LARP1B: variants seen among roughly 807,000 people sequenced by gnomAD.
LARP1B encodes the protein La ribonucleoprotein 1B, also known as la-related protein 1B.
LARP1B carries 76 observed loss-of-function variants against 114.2 expected under a neutral mutation model. That is an observed-to-expected ratio of 0.67 (90% confidence interval 0.55 to 0.81). The LOEUF (loss-of-function observed/expected upper bound fraction) is 0.81. LARP1B is among the 30% of genes least tolerant of loss of function. The pLI, the probability that LARP1B is intolerant of heterozygous loss-of-function variation, is 0.00. For synonymous variants in LARP1B, 345 were observed against 348.0 expected, an observed-to-expected ratio of 0.99 and a Z score of 0.10; for missense variants, 1,014 against 1,075.8, an observed-to-expected ratio of 0.94 and a Z score of 0.80.
chr4:128,097,985 T>C (rs911648201), intron 7 of LARP1B, among the ~76,000 whole-genome samples: 2 of 151,240 alleles, frequency 1.3e-5, no homozygotes, highest in Non-Finnish European at 2.9e-5. Flanking sequence ...ATATTTTAAG[T>C]TTAAGAGAAA....
At chr4:128,157,875 C>T (rs1378000008) in intron 11 of LARP1B, among the ~76,000 whole-genome samples, 1 of 151,868 alleles carries the variant, frequency 6.6e-6, no homozygotes, top group Non-Finnish European at 1.5e-5. Context: ...AAAGAAAATA[C>T]TAAAGGGAAT....
At chr4:128,083,813 C>T (rs1771970945) in intron 5 of LARP1B, among the ~76,000 whole-genome samples, 1 of 150,580 alleles carries the variant, frequency 6.6e-6, no homozygotes, top group African/African-American at 2.5e-5. Flanking sequence ...ACCCCCCCAC[C>T]TCCCTCCCGG....
In LARP1B at chr4:128,098,913, G is replaced by A. The variant is rs543029834; in HGVS notation, c.813+583G>A. Among the ~76,000 whole-genome samples, 36 of 149,644 alleles carry A rather than the reference G, an allele frequency of 2.4e-4. 1 individual carries two copies. The South Asian group carries it at 6.2e-3, about 26-fold the overall frequency. On this transcript the variant is annotated intron_variant, in intron 8 of 19. Transcript: ENST00000326639. ...CTGCCTCAGCCTTCTGAGTAGCTGG[G>A]ACTACAAGCACGCACCATCATGCCC...
At position 128,122,073 on chromosome 4, in the gene LARP1B, A is replaced by G. The variant is rs1210862643; in HGVS notation, c.1409A>G (p.His470Arg). The G allele has an allele frequency of 2.5e-6, 4 of 1,614,014 alleles. No homozygotes were observed. In the African/African-American group the frequency reaches 5.3e-5, roughly 22 times the overall value. Residue 470 changes from histidine (H) to arginine (R), a missense_variant, in exon 11 of 20, where the codon CAC (histidine) becomes CGC (arginine). Coordinates refer to ENST00000326639, the MANE Select transcript of LARP1B (RefSeq NM_018078.4). ...CCTGGAGGAGATCGAACAGGCACCCACATGTCTCGGGCAAAAATCACATCT... is the reference window on the plus strand; with the variant it reads ...CCTGGAGGAGATCGAACAGGCACCCGCATGTCTCGGGCAAAAATCACATCT... ...KHPGGDRTGT[H>R]MSRAKITSEL...
At chr4:128,104,449 TCTTC>T (rs1322716408) in intron 8 of LARP1B, among the ~76,000 whole-genome samples, 1 of 152,190 alleles carries the variant, frequency 6.6e-6, no homozygotes, top group African/African-American at 2.4e-5. Context: ...TTTCTTGCTT[TCTTC>T]CTTTTTTTTG....
chr4:128,206,908 G>A (rs1394471431), intron 18 of LARP1B: 2 of 853,616 alleles, frequency 2.3e-6, no homozygotes, highest in East Asian at 1.2e-4. Context: ...ACTGCTAGGT[G>A]CAAATTCCCT....
chr4:128,112,727 GC>G (rs1215201179), intron 9 of LARP1B, among the ~76,000 whole-genome samples: 7 of 151,844 alleles, frequency 4.6e-5, no homozygotes, highest in Admixed American at 4.6e-4. Context: ...GCCCACCTCG[GC>G]CCCCCAAAGT....
intron 11 of LARP1B, chr4:128,123,029 G>A (rs1788492959): frequency 1.0e-6 from 1 of 985,206 alleles, no homozygotes; most frequent in African/African-American, 1.7e-5. Context: ...ATAGGAAACT[G>A]ATCTTGGTTG....
rs780881149 is a variant in LARP1B at position 128,069,435 on chromosome 4, C to A, written c.-77-5025C>A. On this transcript the variant is annotated intron_variant, in intron 1 of 19. Coordinates refer to ENST00000326639, the MANE Select transcript of LARP1B (RefSeq NM_018078.4). ...GTGCTTTCGGCCACCATGGCGAACA[C>A]GAATCCTATATATAACATAAACTTG... 14 of 760,112 alleles carry A rather than the reference C, an allele frequency of 1.8e-5. No individual in the cohort carries two copies. The South Asian group carries it at 1.9e-4, about 10-fold the overall frequency. The allele number at this position is 760,112 out of a possible 1,614,324, so 47.1% of individuals were successfully genotyped here. A position where few individuals can be genotyped will look rare whatever the true frequency, so the allele number is the denominator to read the frequency against.
chr4:128,070,846 T>G (rs1026049795), intron 1 of LARP1B, among the ~76,000 whole-genome samples: 1 of 151,874 alleles, frequency 6.6e-6, no homozygotes, highest in African/African-American at 2.4e-5. Context: ...GCTGACATAG[T>G]TGATTTAGAG....
At chr4:128,193,299 T>A (rs144945089) in intron 15 of LARP1B, among the ~76,000 whole-genome samples, 1 of 152,242 alleles carries the variant, frequency 6.6e-6, no homozygotes, top group Admixed American at 6.5e-5. Context: ...TTAAAAACTT[T>A]CTAAATGCCA....
intron 7 of LARP1B, among the ~76,000 whole-genome samples, chr4:128,221,129 T>C (rs1561599452): frequency 6.6e-6 from 1 of 152,186 alleles, no homozygotes; most frequent in Non-Finnish European, 1.5e-5. Flanking sequence ...TAATGGAGTA[T>C]TTAAAAACAT....
chr4:128,190,015 T>G (rs1751710126), intron 15 of LARP1B, among the ~76,000 whole-genome samples: 1 of 152,240 alleles, frequency 6.6e-6, no homozygotes, highest in Non-Finnish European at 1.5e-5. Context: ...CTTTTACCAG[T>G]GAGTTTTATA....
intron 11 of LARP1B, among the ~76,000 whole-genome samples, chr4:128,128,612 C>T (rs546593393): frequency 6.6e-6 from 1 of 152,140 alleles, no homozygotes; most frequent in Admixed American, 6.6e-5. Flanking sequence ...ACTGCTGCTG[C>T]CCTGCATTGC....
intron 11 of LARP1B, among the ~76,000 whole-genome samples, chr4:128,147,156 T>C (rs987297086): frequency 6.6e-6 from 1 of 152,222 alleles, no homozygotes; most frequent in Non-Finnish European, 1.5e-5. Context: ...CCCAGATTCT[T>C]TATGATTCTC....
intron 5 of LARP1B, among the ~76,000 whole-genome samples, chr4:128,086,955 C>T (rs933645155): frequency 2.6e-5 from 4 of 152,086 alleles, no homozygotes; most frequent in Admixed American, 6.5e-5. Context: ...GTTTTACTTT[C>T]ATTAAAATCA....
chr4:128,198,175 C>G (rs1431755143), intron 15 of LARP1B, among the ~76,000 whole-genome samples: 1 of 152,078 alleles, frequency 6.6e-6, no homozygotes, highest in Non-Finnish European at 1.5e-5. Flanking sequence ...GTGAACCCAC[C>G]ACACCCAGCC....
intron 4 of LARP1B, among the ~76,000 whole-genome samples, chr4:128,081,771 A>G (rs149300675): frequency 1.9e-4 from 29 of 152,128 alleles, no homozygotes; most frequent in African/African-American, 7.0e-4. Context: ...ACAACCAGCT[A>G]TCACCCAGGC....
intron 10 of LARP1B, among the ~76,000 whole-genome samples, chr4:128,117,764 C>A (rs1249662996): frequency 6.6e-6 from 1 of 152,140 alleles, no homozygotes; most frequent in Admixed American, 6.6e-5. Flanking sequence ...AGGTGAACCG[C>A]TGGCCTCGGC....
Sources: allele counts gnomAD v4.1 joint callset (sites outside exome capture counted in the v4.1 genomes callset), GRCh38; gene constraint gnomAD v4.1.1; transcripts MANE v1.5; gene names NCBI Gene and HGNC (gene_info 2026-07-23, HGNC 2026-07-21).